Variants in SYNPR observed in about 807,000 individuals in gnomAD.
SYNPR encodes synaptoporin.
A neutral mutation model predicts 32.9 loss-of-function variants in SYNPR; 23 were observed. That is an observed-to-expected ratio of 0.70 (90% confidence interval 0.50 to 0.99). SYNPR has a LOEUF of 0.99. SYNPR is among the 50% of genes least tolerant of loss of function. The pLI is 0.00. For missense variants in SYNPR, 318 were observed against 349.3 expected (o/e 0.91, Z 0.71); for synonymous variants, 146 against 135.9 (o/e 1.07, Z -0.52).
intron 2 of SYNPR, among the ~76,000 whole-genome samples, chr3:63,339,075 T>C (rs1422696400): frequency 1.3e-5 from 2 of 152,252 alleles, no homozygotes; most frequent in African/African-American, 2.4e-5. Context: ...TAGATTCACC[T>C]CTATTACCTG....
At chr3:63,250,382 G>A (rs1331918427) in intron 1 of SYNPR, among the ~76,000 whole-genome samples, 2 of 152,086 alleles carry the variant, frequency 1.3e-5, no homozygotes, top group Admixed American at 1.3e-4. Context: ...CTCCACGCCT[G>A]GGGCAATTAT....
intron 4 of SYNPR, among the ~76,000 whole-genome samples, chr3:63,560,187 T>C (rs1304215032): frequency 6.6e-6 from 1 of 152,206 alleles, no homozygotes; most frequent in East Asian, 1.9e-4. Context: ...GTCTCCTAGA[T>C]GAAACTTCTT....
intron 2 of SYNPR, among the ~76,000 whole-genome samples, chr3:63,431,131 C>T (rs1699985902): frequency 6.6e-6 from 1 of 152,142 alleles, no homozygotes; most frequent in African/African-American, 2.4e-5. Context: ...AATGTTGGCT[C>T]ATTAACCTAG....
At chr3:63,217,887 T>C in the SYNPR span, among the ~76,000 whole-genome samples, 5 of 152,146 alleles carry the variant, frequency 3.3e-5, no homozygotes, top group Non-Finnish European at 7.4e-5. Flanking sequence ...TTAAGAGGAA[T>C]TGCAAATCCA....
intron 1 of SYNPR, among the ~76,000 whole-genome samples, chr3:63,249,076 T>C (rs1419970845): frequency 6.6e-6 from 1 of 152,156 alleles, no homozygotes; most frequent in African/African-American, 2.4e-5. Flanking sequence ...AATAAATATA[T>C]GATTTTTAAA....
chr3:63,613,340 G>A (rs1700229587), intron 5 of SYNPR, among the ~76,000 whole-genome samples: 1 of 151,938 alleles, frequency 6.6e-6, no homozygotes, highest in Admixed American at 6.6e-5. Context: ...TTTGTCAGTA[G>A]TTAACTAATT....
At chr3:63,222,011 A>ATTTTTTTTTTTT in the SYNPR span, among the ~76,000 whole-genome samples, 89 of 56,412 alleles carry the variant, frequency 1.6e-3, 14 homozygotes, top group South Asian at 2.3e-3. Flanking sequence ...GCCATGCTCA[A>ATTTTTTTTTTTT]TTTTTTTTTT....
At chr3:63,572,592 T>C (rs1413469412) in intron 4 of SYNPR, among the ~76,000 whole-genome samples, 1 of 152,164 alleles carries the variant, frequency 6.6e-6, no homozygotes, top group Non-Finnish European at 1.5e-5. Context: ...GTCTCATCAC[T>C]CTTGTTTAGA....
At chr3:63,500,901 C>T (rs533397058) in intron 3 of SYNPR, among the ~76,000 whole-genome samples, 1 of 152,192 alleles carries the variant, frequency 6.6e-6, no homozygotes, top group African/African-American at 2.4e-5. Flanking sequence ...GGATTTAGTG[C>T]TATTTATGGG....
chr3:63,461,434 G>T (rs1031326747), intron 2 of SYNPR, among the ~76,000 whole-genome samples: 1 of 152,002 alleles, frequency 6.6e-6, no homozygotes, highest in Non-Finnish European at 1.5e-5. Flanking sequence ...CCTTTTACTC[G>T]AGCAAGTCTG....
chr3:63,309,198 T>TTGGA (rs1310270269), intron 2 of SYNPR, among the ~76,000 whole-genome samples: 1 of 152,034 alleles, frequency 6.6e-6, no homozygotes, highest in Non-Finnish European at 1.5e-5. Context: ...ATTTGGGTTT[T>TTGGA]TGGTTGGTTG....
chr3:63,526,485 G>C (rs1331404570), intron 3 of SYNPR, among the ~76,000 whole-genome samples: 1 of 152,100 alleles, frequency 6.6e-6, no homozygotes, highest in Non-Finnish European at 1.5e-5. Context: ...GTTCATACTG[G>C]ATGCTCAATA....
chr3:63,501,804 A>G (rs1701487423), intron 3 of SYNPR, among the ~76,000 whole-genome samples: 1 of 152,172 alleles, frequency 6.6e-6, no homozygotes, highest in South Asian at 2.1e-4. Flanking sequence ...TTAGAAAGTA[A>G]TAGATACCTA....
intron 2 of SYNPR, among the ~76,000 whole-genome samples, chr3:63,378,177 C>CTTT (rs1187835876): frequency 6.6e-6 from 1 of 151,534 alleles, no homozygotes; most frequent in Non-Finnish European, 1.5e-5. Flanking sequence ...TGTAATGTAA[C>CTTT]TTTGAGTGTC....
At chr3:63,265,878 T>C (rs998270571) in intron 2 of SYNPR, among the ~76,000 whole-genome samples, 1 of 152,194 alleles carries the variant, frequency 6.6e-6, no homozygotes, top group African/African-American at 2.4e-5. Context: ...TTTTAAGAAA[T>C]GATATTTAGA....
At position 63,541,437 on chromosome 3, in the gene SYNPR, C is replaced by T. The variant is rs549105605; in HGVS notation, c.210-15106C>T. Among the ~76,000 whole-genome samples the T allele has an allele frequency of 3.9e-5, 6 of 152,132 alleles. No homozygotes were observed. In the East Asian group the frequency reaches 1.2e-3, roughly 30 times the overall value. ...ACAATCTATTGACCTTAGTCATTCT[C>T]CGGGACAGCAAAATGCACCAGTTCT... On this transcript the variant is annotated intron_variant, in intron 3 of 5. Coordinates refer to ENST00000478300, the MANE Select transcript of SYNPR (RefSeq NM_001130003.2).
At chr3:63,567,913 T>A (rs72889209) in intron 4 of SYNPR, among the ~76,000 whole-genome samples, 6,479 of 152,308 alleles carry the variant, frequency 0.043, 486 homozygotes, top group African/African-American at 0.15. Context: ...TCAATTTATA[T>A]GCTATCTCAA....
chr3:63,421,537 G>T (rs1455016377), intron 2 of SYNPR, among the ~76,000 whole-genome samples: 1 of 151,754 alleles, frequency 6.6e-6, no homozygotes, highest in Admixed American at 6.6e-5. Flanking sequence ...TCTAAAAAAT[G>T]AAAATTAATC....
chr3:63,519,366 A>G (rs1431330744), intron 3 of SYNPR, among the ~76,000 whole-genome samples: 1 of 152,228 alleles, frequency 6.6e-6, no homozygotes, highest in Non-Finnish European at 1.5e-5. Context: ...TGATAATAAT[A>G]GTGACCTTAT....
Sources: gnomAD v4.1 joint callset for allele counts (sites outside exome capture counted in the v4.1 genomes callset) on GRCh38, gnomAD v4.1.1 for gene constraint, MANE v1.5 for transcripts, NCBI Gene and HGNC (gene_info 2026-07-23, HGNC 2026-07-21) for gene names.